Variants in NAV2 observed in about 807,000 individuals in gnomAD.
The protein encoded by NAV2 is helicase, APC down-regulated 1.
NAV2 carries 54 observed loss-of-function variants against 223.2 expected under a neutral mutation model. That is an observed-to-expected ratio of 0.24 (90% confidence interval 0.19 to 0.30). NAV2 has a LOEUF of 0.30. Ranked by LOEUF, NAV2 falls within the 10% of genes least tolerant of loss-of-function variation. The pLI, the probability that NAV2 is intolerant of heterozygous loss-of-function variation, is 1.00. For missense variants in NAV2, 2,806 were observed against 3,147.5 expected (o/e 0.89, Z 2.60); for synonymous variants, 1,279 against 1,239.3 (o/e 1.03, Z -0.67).
intron 1 of NAV2, among the ~76,000 whole-genome samples, chr11:19,680,410 T>C (rs989731445): frequency 1.3e-5 from 2 of 151,790 alleles, no homozygotes; most frequent in South Asian, 4.1e-4. Flanking sequence ...CTGTTTATTG[T>C]TTTTAAGGGT....
rs942158475 is a variant in NAV2, at chr11:19,933,584, G to T, written c.1340G>T (p.Arg447Leu). 3 of 1,611,836 alleles carry T rather than the reference G, an allele frequency of 1.9e-6. No homozygotes were observed. Among genetic ancestry groups the T allele is most frequent in the Middle Eastern group, 1.7e-4 (1 of 6,042 alleles). Reference protein sequence around the residue: ...EESEELEAASRMLTTVGPASS... With the variant: ...EESEELEAASLMLTTVGPASS... ...AGCGAGGAGCTGGAGGCCGCCAGTC[G>T]CATGCTCACCACCGTGGGCCCTGCT... is the stretch of plus-strand genomic sequence containing the variant. Residue 447 changes from arginine (R) to leucine (L), a missense_variant, in exon 7 of 38, where the codon CGC becomes CTC. This residue lies in a region of NAV2 where 1,167 missense variants were observed against 1,180.5 expected (regional missense o/e 0.99). Coordinates refer to ENST00000349880, the MANE Select transcript of NAV2 (RefSeq NM_145117.5). The surrounding 1 kb of genome is among the most constrained non-coding windows in gnomAD (Gnocchi z 4.3).
intron 34 of NAV2, chr11:20,104,917 G>T (rs896856512): frequency 6.6e-6 from 1 of 152,228 alleles, no homozygotes; most frequent in Admixed American, 6.5e-5. Context: ...CTTTGCAAAG[G>T]CTGCAGCATC....
At chr11:19,485,309 T>C (rs1310231952) in intron 1 of NAV2, among the ~76,000 whole-genome samples, 1 of 152,122 alleles carries the variant, frequency 6.6e-6, no homozygotes, top group Non-Finnish European at 1.5e-5. Flanking sequence ...GCCCTGACTT[T>C]TCATTCCCAG....
chr11:19,517,058 A>AG (rs2043478003), intron 1 of NAV2, among the ~76,000 whole-genome samples: 2 of 149,536 alleles, frequency 1.3e-5, no homozygotes, highest in African/African-American at 5.1e-5. Context: ...AAAAAAAAAA[A>AG]TAATAATACG....
chr11:19,970,308 A>G (rs2049121281), intron 10 of NAV2, among the ~76,000 whole-genome samples: 1 of 152,150 alleles, frequency 6.6e-6, no homozygotes, highest in South Asian at 2.1e-4. Flanking sequence ...AGCTGGGATT[A>G]CAGGCATGCG....
At chr11:19,435,047 T>C (rs932809211) in intron 1 of NAV2, among the ~76,000 whole-genome samples, 3 of 152,206 alleles carry the variant, frequency 2.0e-5, no homozygotes, top group African/African-American at 7.2e-5. Flanking sequence ...CATGATCAAA[T>C]TAGACTAGCA....
chr11:19,567,317 A>C (rs950028269), intron 1 of NAV2, among the ~76,000 whole-genome samples: 1 of 152,206 alleles, frequency 6.6e-6, no homozygotes, highest in Admixed American at 6.5e-5. Context: ...TGTAGTTTGC[A>C]TCCTAAGTGG....
intron 1 of NAV2, among the ~76,000 whole-genome samples, chr11:19,631,752 C>T (rs533856440): frequency 6.6e-6 from 1 of 152,328 alleles, no homozygotes; most frequent in African/African-American, 2.4e-5. Context: ...CCACTAGTGT[C>T]CCAGGAGATG....
At chr11:19,394,399 T>C (rs1849368942) in intron 1 of NAV2, among the ~76,000 whole-genome samples, 1 of 152,244 alleles carries the variant, frequency 6.6e-6, no homozygotes, top group Non-Finnish European at 1.5e-5. Context: ...CACTCATTTG[T>C]TTCTTTAGCC....
intron 11 of NAV2, among the ~76,000 whole-genome samples, chr11:20,009,794 A>G (rs2053414863): frequency 6.6e-6 from 1 of 151,924 alleles, no homozygotes; most frequent in Non-Finnish European, 1.5e-5. Flanking sequence ...TTGCCTTCCA[A>G]TCTTTGCAGA....
chr11:19,363,196 T>G (rs1161008926), intron 1 of NAV2, among the ~76,000 whole-genome samples: 8 of 152,202 alleles, frequency 5.3e-5, no homozygotes. Context: ...GTGTTCTTAT[T>G]GTTCAACTCC....
intron 1 of NAV2, chr11:19,518,736 G>A (rs978801141): frequency 7.9e-5 from 12 of 152,222 alleles, no homozygotes; most frequent in African/African-American, 1.9e-4. Flanking sequence ...CTGGCATGAC[G>A]TGTAAGAGCT....
At chr11:19,373,688 A>G (rs577058912) in intron 1 of NAV2, among the ~76,000 whole-genome samples, 5 of 152,300 alleles carry the variant, frequency 3.3e-5, no homozygotes, top group African/African-American at 1.2e-4. Context: ...CATGCTTATT[A>G]TATACCTGTT....
At chr11:19,766,304 T>C (rs1289412548) in intron 1 of NAV2, among the ~76,000 whole-genome samples, 1 of 152,012 alleles carries the variant, frequency 6.6e-6, no homozygotes, top group East Asian at 1.9e-4. Flanking sequence ...GGCTGTGGAC[T>C]GTGAGAGGCC....
At chr11:19,699,873 T>C (rs1374892139) in intron 1 of NAV2, among the ~76,000 whole-genome samples, 1 of 152,148 alleles carries the variant, frequency 6.6e-6, no homozygotes. Context: ...TCTAGCTTCC[T>C]TTTCCTGCCT....
intron 1 of NAV2, among the ~76,000 whole-genome samples, chr11:19,499,157 G>A (rs532779336): frequency 2.0e-5 from 3 of 152,318 alleles, no homozygotes; most frequent in East Asian, 1.9e-4. Context: ...ACCTGTGTGG[G>A]CTGATTTACC....
chr11:19,520,879 G>A (rs1193219965), intron 1 of NAV2, among the ~76,000 whole-genome samples: 1 of 152,184 alleles, frequency 6.6e-6, no homozygotes, highest in Non-Finnish European at 1.5e-5. Context: ...ACTGCTGGCT[G>A]CCATTACCAT....
intron 11 of NAV2, among the ~76,000 whole-genome samples, chr11:20,023,876 C>T (rs1377408521): frequency 6.6e-6 from 1 of 152,142 alleles, no homozygotes; most frequent in East Asian, 1.9e-4. Flanking sequence ...TGTTCATGAC[C>T]ACCTACCACA....
chr11:19,677,103 A>G (rs77620631), intron 1 of NAV2, among the ~76,000 whole-genome samples: 1 of 152,214 alleles, frequency 6.6e-6, no homozygotes, highest in East Asian at 1.9e-4. Context: ...TTGTCCCTAC[A>G]GGCCTCTGGG....
Sources: allele counts gnomAD v4.1 joint callset (sites outside exome capture counted in the v4.1 genomes callset), GRCh38; gene constraint gnomAD v4.1.1; regional missense constraint gnomAD v4.1.1; non-coding constraint Gnocchi (gnomAD v3.1); transcripts MANE v1.5; gene names NCBI Gene and HGNC (gene_info 2026-07-23, HGNC 2026-07-21).